FGF13: variants seen among roughly 807,000 people sequenced by gnomAD.
The protein encoded by FGF13 is fibroblast growth factor 13.
FGF13 carries 2 observed loss-of-function variants against 19.5 expected under a neutral mutation model. The observed-to-expected ratio is 0.10, with a 90% CI of 0.04 to 0.32. The LOEUF (loss-of-function observed/expected upper bound fraction) is 0.32, where lower values mean the gene tolerates loss of function less well. FGF13 is among the 10% of genes least tolerant of loss of function. FGF13 has a pLI of 1.00. For missense variants in FGF13, 113 were observed against 192.7 expected (o/e 0.59, Z 2.45); for synonymous variants, 72 against 76.9 (o/e 0.94, Z 0.33).
rs149041043 is a variant in FGF13 at position 138,988,324 on chromosome X, T to G, written c.-112-123674A>C. Among the ~76,000 whole-genome samples the G allele has an allele frequency of 9.4e-3, 1,051 of 112,382 alleles. 10 individuals carry two copies. Among genetic ancestry groups the G allele is most frequent in the African/African-American group, 0.032 (979 of 31,000 alleles). ...TTAAGTCAGAAAATCCGATTTCTAATTTTTATTACAGGTGAAAAGGCATAT... is the reference window on the plus strand; with the variant it reads ...TTAAGTCAGAAAATCCGATTTCTAAGTTTTATTACAGGTGAAAAGGCATAT... On this transcript the variant is annotated intron_variant, in intron 1 of 2. Coordinates refer to the FGF13 transcript ENST00000421460.
At chrX:138,990,790 A>T (rs896413669) in intron 1 of FGF13, among the ~76,000 whole-genome samples, 5 of 111,998 alleles carry the variant, frequency 4.5e-5, no homozygotes, top group Non-Finnish European at 9.4e-5. Flanking sequence ...AAACCATATC[A>T]GCCTCCATTA....
At chrX:139,000,757 G>C (rs904288843) in intron 1 of FGF13, among the ~76,000 whole-genome samples, 2 of 111,785 alleles carry the variant, frequency 1.8e-5, no homozygotes, top group African/African-American at 6.5e-5. Flanking sequence ...TGGCCATACT[G>C]CCCAAGGTAA....
At position 138,630,665 on chromosome X, in the gene FGF13, C is replaced by A. The variant is rs2089106550; in HGVS notation, c.*2185G>T. 9.0e-6 allele frequency: 1 copy of A among 111,304 alleles called. No individual in the cohort carries two copies. 9.2% of individuals were successfully genotyped at this position (111,304 alleles called of 1,213,427 possible). A position where few individuals can be genotyped will look rare whatever the true frequency, so the allele number is the denominator to read the frequency against. On this transcript the variant is annotated 3_prime_UTR_variant, in exon 5 of 5. Coordinates refer to ENST00000315930, the MANE Select transcript of FGF13 (RefSeq NM_004114.5). ...AGAAATGAGGAGTCTCCCCTCCTTG[C>A]AAAAGCAGGCTGTTTGGGGCCCCAG...
chrX:138,977,968 TTTTTATTCAGA>T (rs1262076215), intron 1 of FGF13, among the ~76,000 whole-genome samples: 1 of 111,902 alleles, frequency 8.9e-6, no homozygotes, highest in African/African-American at 3.2e-5. Context: ...AAAACTCCAT[TTTTTATTCAGA>T]TTAGCCGGAT....
At chrX:138,802,027 T>C (rs2090833668) in intron 3 of FGF13, among the ~76,000 whole-genome samples, 1 of 112,117 alleles carries the variant, frequency 8.9e-6, no homozygotes, top group African/African-American at 3.2e-5. Flanking sequence ...TCCATGGGAG[T>C]GGCACCCACT....
At chrX:139,003,114 T>C (rs1170398713) in intron 1 of FGF13, among the ~76,000 whole-genome samples, 1 of 112,124 alleles carries the variant, frequency 8.9e-6, no homozygotes, top group Non-Finnish European at 1.9e-5. Context: ...CGGTGAGTGT[T>C]ACAGCTCTTA....
chrX:138,700,559 C>G (rs2089937234), intron 3 of FGF13, among the ~76,000 whole-genome samples: 1 of 111,261 alleles, frequency 9.0e-6, no homozygotes, highest in South Asian at 3.8e-4. Context: ...AAATGAAGTG[C>G]CCACTGAGGA....
At chrX:139,052,166 A>G (rs2092304660) in intron 1 of FGF13, among the ~76,000 whole-genome samples, 1 of 99,753 alleles carries the variant, frequency 1.0e-5, no homozygotes, top group Non-Finnish European at 2.0e-5. Flanking sequence ...TTAATGTGAA[A>G]ATTTTGTTTT....
intron 3 of FGF13, among the ~76,000 whole-genome samples, chrX:138,818,963 G>A (rs1249268549): frequency 2.7e-5 from 3 of 111,750 alleles, no homozygotes; most frequent in Non-Finnish European, 5.6e-5. Context: ...ACTTGGGCAA[G>A]TCATTCAGCC....
intron 1 of FGF13, among the ~76,000 whole-genome samples, chrX:138,912,327 A>C (rs889269693): frequency 1.8e-5 from 2 of 111,385 alleles, no homozygotes. Context: ...GCTAAAAAAG[A>C]GTGGTTAGGT....
chrX:139,149,476 A>G (rs1416008292), intron 1 of FGF13, among the ~76,000 whole-genome samples: 1 of 112,419 alleles, frequency 8.9e-6, no homozygotes, highest in African/African-American at 3.2e-5. Flanking sequence ...ATCTCTTACT[A>G]AAGTGTGTTT....
In FGF13 at chrX:138,627,627, G is replaced by GCA. The variant is rs1491437776; in HGVS notation, c.*5222_*5223insTG. 2.7e-5 allele frequency: 2 copies of GCA among 74,584 alleles called. No individual in the cohort carries two copies. Among genetic ancestry groups the GCA allele is most frequent in the South Asian group, 5.5e-4 (1 of 1,821 alleles). 6.1% of individuals were successfully genotyped at this position (74,584 alleles called of 1,213,427 possible). On this transcript the variant is annotated 3_prime_UTR_variant, in exon 5 of 5. Coordinates refer to ENST00000315930, the MANE Select transcript of FGF13 (RefSeq NM_004114.5). ...TGTGTGTGTGTGTGTGTGTGTGTGTGCGCGTGTGTGTGTGTGTGTGTGTGA... is the reference window on the plus strand; with the variant it reads ...TGTGTGTGTGTGTGTGTGTGTGTGTGCACGCGTGTGTGTGTGTGTGTGTGTGA...
At chrX:139,040,481 A>T (rs1327552699) in intron 1 of FGF13, among the ~76,000 whole-genome samples, 2 of 111,110 alleles carry the variant, frequency 1.8e-5, no homozygotes, top group African/African-American at 3.3e-5. Flanking sequence ...ACACTTAAAA[A>T]CCAAAATCCT....
At chrX:138,757,885 T>C (rs2090441346) in intron 3 of FGF13, among the ~76,000 whole-genome samples, 1 of 111,794 alleles carries the variant, frequency 8.9e-6, no homozygotes, top group Admixed American at 9.5e-5. Context: ...TACATCCATG[T>C]CTGACAAAAC....
At chrX:138,857,822 C>T in intron 2 of FGF13, 1 of 456,208 alleles carries the variant, frequency 2.2e-6, no homozygotes, top group Non-Finnish European at 3.4e-6. Context: ...AATAGCTTGG[C>T]GATTTTATTT....
At chrX:139,019,720 T>C (rs892008246) in intron 1 of FGF13, among the ~76,000 whole-genome samples, 2 of 110,482 alleles carry the variant, frequency 1.8e-5, no homozygotes, top group African/African-American at 6.6e-5. Context: ...GATCCACACC[T>C]AGATAAATAT....
At chrX:138,963,375 G>T (rs1158986588) in intron 1 of FGF13, among the ~76,000 whole-genome samples, 1 of 112,498 alleles carries the variant, frequency 8.9e-6, no homozygotes, top group Non-Finnish European at 1.9e-5. Flanking sequence ...ACTAGCCAAT[G>T]TCCACAGAAG....
At chrX:139,081,420 T>C (rs1207136936) in intron 1 of FGF13, among the ~76,000 whole-genome samples, 2 of 111,729 alleles carry the variant, frequency 1.8e-5, no homozygotes, top group African/African-American at 6.5e-5. Flanking sequence ...CAAAACAGAA[T>C]GCTCAGACTT....
chrX:139,053,637 T>C (rs773246285), intron 1 of FGF13, among the ~76,000 whole-genome samples: 3 of 111,735 alleles, frequency 2.7e-5, no homozygotes, highest in South Asian at 7.6e-4. Flanking sequence ...GAGTTCCTTG[T>C]AGATTCTGGA....
Sources: allele counts gnomAD v4.1 joint callset (sites outside exome capture counted in the v4.1 genomes callset), GRCh38; gene constraint gnomAD v4.1.1; transcripts MANE v1.5; gene names NCBI Gene and HGNC (gene_info 2026-07-23, HGNC 2026-07-21).